The following ARL3 variants were observed in gnomAD, a reference collection of about 807,000 sequenced individuals.
The protein encoded by ARL3 is ADP-ribosylation factor-like protein 3.
Under a neutral mutation model 26.0 loss-of-function variants are expected in ARL3, and 9 were observed. The observed-to-expected ratio is 0.35, with a 90% CI of 0.21 to 0.60. The LOEUF (loss-of-function observed/expected upper bound fraction) is 0.60. Among genes scored for constraint, ARL3 ranks in the 20% least tolerant of loss-of-function variants. The pLI, the probability that ARL3 is intolerant of heterozygous loss-of-function variation, is 0.78. For synonymous variants in ARL3, 71 were observed against 78.4 expected, an observed-to-expected ratio of 0.91 and a Z score of 0.50; for missense variants, 158 against 215.7, an observed-to-expected ratio of 0.73 and a Z score of 1.67.
At chr10:102,690,880 A>G (rs1023187561) in intron 3 of ARL3, among the ~76,000 whole-genome samples, 3 of 149,012 alleles carry the variant, frequency 2.0e-5, no homozygotes, top group African/African-American at 7.4e-5. Context: ...TTAGTCTTTC[A>G]AACCTCTTTT....
intron 5 of ARL3, among the ~76,000 whole-genome samples, chr10:102,684,686 T>C (rs1167322937): frequency 3.3e-5 from 5 of 152,000 alleles, no homozygotes; most frequent in Non-Finnish European, 7.4e-5. Flanking sequence ...TCGCCCAGGC[T>C]GGAGTGCAGT....
At chr10:102,677,667 G>A (rs1212872429) in intron 5 of ARL3, among the ~76,000 whole-genome samples, 2 of 152,146 alleles carry the variant, frequency 1.3e-5, no homozygotes, top group Non-Finnish European at 2.9e-5. Flanking sequence ...AATTCCTACG[G>A]ATGCCAGGCC....
chr10:102,689,887 A>C lies in ARL3; in HGVS notation c.315+6T>G. The stretch of plus-strand genomic sequence containing the variant: ...AAGAACTTTGATATAAAAAAGAATT[A>C]TTTACCTGACCCGTCTCTTCAAATC... On this transcript the variant is annotated splice_donor_region_variant and intron_variant, in intron 4 of 5. Coordinates refer to ENST00000260746, the MANE Select transcript of ARL3 (RefSeq NM_004311.4). 2 of 1,572,692 alleles carry C rather than the reference A, an allele frequency of 1.3e-6. No homozygotes were observed. The highest frequency in any genetic ancestry group is 1.7e-6 in the Non-Finnish European group (2 of 1,151,580).
intron 1 of ARL3, among the ~76,000 whole-genome samples, chr10:102,712,254 C>T (rs969434771): frequency 6.6e-6 from 1 of 151,780 alleles, no homozygotes; most frequent in Non-Finnish European, 1.5e-5. Context: ...AAACAAAAAC[C>T]AAAAAAACCT....
rs576964304 is a variant in ARL3, at chr10:102,675,795, C to T, written c.*1099G>A. The T allele has an allele frequency of 6.6e-6, 1 of 152,624 alleles. No homozygotes were observed. The highest frequency in any genetic ancestry group is 2.1e-4 in the South Asian group (1 of 4,824). The allele number at this position is 152,624 out of a possible 1,614,324, so 9.5% of individuals were successfully genotyped here. A position where few individuals can be genotyped will look rare whatever the true frequency, so the allele number is the denominator to read the frequency against. ...CATGTCCTCCCCAGCAGCAAACCCT[C>T]TCCATCCAGGAGCATCCCACACCAC... On this transcript the variant is annotated 3_prime_UTR_variant, in exon 6 of 6. Transcript: ENST00000260746.
chr10:102,693,955 A>T (rs1048032764), intron 3 of ARL3, among the ~76,000 whole-genome samples: 1 of 152,088 alleles, frequency 6.6e-6, no homozygotes. Context: ...GATTACAGAC[A>T]TGAGCCACCA....
At chr10:102,703,513 G>A (rs1335134552) in intron 2 of ARL3, among the ~76,000 whole-genome samples, 1 of 125,104 alleles carries the variant, frequency 8.0e-6, no homozygotes, top group African/African-American at 3.1e-5. Context: ...GCATGATCTC[G>A]GCTCACTGCA....
intron 3 of ARL3, among the ~76,000 whole-genome samples, chr10:102,693,705 C>T (rs890377991): frequency 6.6e-6 from 1 of 152,114 alleles, no homozygotes; most frequent in Non-Finnish European, 1.5e-5. Context: ...GATAGAGTCT[C>T]ACTCTGTCAC....
At chr10:102,686,195 C>T (rs1461983990) in intron 4 of ARL3, among the ~76,000 whole-genome samples, 194 bp from the exon 5 acceptor site, 1 of 151,548 alleles carries the variant, frequency 6.6e-6, no homozygotes, top group Non-Finnish European at 1.5e-5. Flanking sequence ...CCTCAACCTC[C>T]TGAGTAGCTG....
At chr10:102,687,255 ACAATATC>A (rs2064192869) in intron 4 of ARL3, among the ~76,000 whole-genome samples, 2 of 147,324 alleles carry the variant, frequency 1.4e-5, no homozygotes, top group Non-Finnish European at 3.0e-5. Flanking sequence ...TTTTTTTGAG[ACAATATC>A]TCACTCTGTC....
At chr10:102,688,499 C>CTTT (rs61629496) in intron 4 of ARL3, among the ~76,000 whole-genome samples, 1 of 92,154 alleles carries the variant, frequency 1.1e-5, no homozygotes, top group Non-Finnish European at 2.3e-5. Flanking sequence ...TTTTAAAAAA[C>CTTT]TTTTTTTTTT....
At chr10:102,685,535 A>C (rs2064178978) in intron 5 of ARL3, among the ~76,000 whole-genome samples, 1 of 152,162 alleles carries the variant, frequency 6.6e-6, no homozygotes, top group Non-Finnish European at 1.5e-5. Context: ...AATCCAATCA[A>C]TCATCAAAGA....
At chr10:102,713,995 G>A (rs559694968) in intron 1 of ARL3, among the ~76,000 whole-genome samples, 8 of 152,292 alleles carry the variant, frequency 5.3e-5, no homozygotes, top group African/African-American at 1.9e-4. Flanking sequence ...TAATGATGGA[G>A]CCCGGGCTCC....
chr10:102,705,354 G>C lies in ARL3; in HGVS notation c.139C>G (p.Pro47Ala). The change falls in exon 2 of 6, where the codon CCT becomes GCT. Residue 47 changes from proline (P) to alanine (A), a missense_variant. Physicochemically the swap from Pro to Ala is conservative, Grantham distance 27. Coordinates refer to ENST00000260746, the MANE Select transcript of ARL3 (RefSeq NM_004311.4). ...GCCAAGGCAGTGCTCACCTGTGTAG[G>C]TGTGATGTGGCTGATGTCTTCAGAT... ...LASEDISHIT[P>A]TQGFNIKSVQ... 1 of 1,605,216 alleles carries C rather than the reference G, an allele frequency of 6.2e-7. No individual in the cohort carries two copies. The highest frequency in any genetic ancestry group is 1.1e-5 in the South Asian group (1 of 90,322).
chr10:102,713,142 A>T (rs1188970035), intron 1 of ARL3, among the ~76,000 whole-genome samples: 1 of 151,902 alleles, frequency 6.6e-6, no homozygotes, highest in Non-Finnish European at 1.5e-5. Flanking sequence ...AAAAGTCAAG[A>T]AAGGAACTAG....
At chr10:102,713,606 A>T (rs2064360636) in intron 1 of ARL3, among the ~76,000 whole-genome samples, 1 of 152,242 alleles carries the variant, frequency 6.6e-6, no homozygotes, top group African/African-American at 2.4e-5. Context: ...ACCAACAATC[A>T]GATCCTGCAA....
intron 5 of ARL3, among the ~76,000 whole-genome samples, chr10:102,684,368 C>T (rs2064171054): frequency 1.3e-5 from 2 of 152,072 alleles, no homozygotes; most frequent in African/African-American, 4.8e-5. Flanking sequence ...CCAGGATGGT[C>T]TCGATCTCCT....
intron 1 of ARL3, among the ~76,000 whole-genome samples, chr10:102,711,370 G>GTA (rs1171526007): frequency 3.7e-4 from 55 of 150,132 alleles, no homozygotes; most frequent in Admixed American, 1.3e-3. Context: ...ATATGTATCT[G>GTA]TATATATATA....
At chr10:102,690,295 CTT>C (rs34924011) in intron 3 of ARL3, among the ~76,000 whole-genome samples, 365 of 123,656 alleles carry the variant, frequency 3.0e-3, no homozygotes, top group Middle Eastern at 4.3e-3. Flanking sequence ...CACTATTTTC[CTT>C]TTTTTTTTTT....
Sources: gnomAD v4.1 joint callset for allele counts (sites outside exome capture counted in the v4.1 genomes callset) on GRCh38, gnomAD v4.1.1 for gene constraint, MANE v1.5 for transcripts, NCBI Gene and HGNC (gene_info 2026-07-23, HGNC 2026-07-21) for gene names.